The following TRIM33 variants were observed in gnomAD, a reference collection of about 807,000 sequenced individuals.
TRIM33 encodes tripartite motif containing 33.
TRIM33 carries 20 observed loss-of-function variants against 125.4 expected under a neutral mutation model. That is an observed-to-expected ratio of 0.16 (90% CI 0.11 to 0.23). TRIM33 has a LOEUF of 0.23. Among genes scored for constraint, TRIM33 ranks in the 10% least tolerant of loss-of-function variants. The pLI is 1.00. For synonymous variants in TRIM33, 564 were observed against 513.9 expected (o/e 1.10, Z -1.32); for missense variants, 920 against 1,411.4 (o/e 0.65, Z 5.58).
chr1:114,427,717 T>C, intron 7 of TRIM33, 31 bp downstream of exon 7: 1 of 1,597,396 alleles, frequency 6.3e-7, no homozygotes. Context: ...TAAAGTCCAT[T>C]AAAGAAAAAT....
intron 9 of TRIM33, among the ~76,000 whole-genome samples, chr1:114,425,042 T>C (rs984036073): frequency 6.6e-6 from 1 of 152,082 alleles, no homozygotes; most frequent in East Asian, 1.9e-4. Context: ...CCTGGAGTAA[T>C]AGTTTTGATT....
intron 4 of TRIM33, among the ~76,000 whole-genome samples, chr1:114,441,658 T>TAAAACCA (rs1470837576): frequency 6.6e-6 from 1 of 152,260 alleles, no homozygotes; most frequent in Non-Finnish European, 1.5e-5. Context: ...CAATTGGTTT[T>TAAAACCA]ATTCTTTGCA....
intron 5 of TRIM33, among the ~76,000 whole-genome samples, chr1:114,432,652 G>A (rs1648034046): frequency 6.6e-6 from 1 of 152,124 alleles, no homozygotes; most frequent in South Asian, 2.1e-4. Flanking sequence ...CGAGCATGGT[G>A]GTGGGCGCCT....
At chr1:114,494,948 C>T (rs1429787165) in intron 1 of TRIM33, among the ~76,000 whole-genome samples, 1 of 152,140 alleles carries the variant, frequency 6.6e-6, no homozygotes, top group East Asian at 1.9e-4. Flanking sequence ...CAGTCTCACT[C>T]TCTTGCCCAG....
intron 12 of TRIM33, 54 bp downstream of exon 12, chr1:114,410,130 C>A: frequency 6.2e-7 from 1 of 1,601,158 alleles, no homozygotes. Flanking sequence ...AAGACAGATA[C>A]TGACACTGTT....
intron 4 of TRIM33, among the ~76,000 whole-genome samples, chr1:114,444,025 C>T (rs1249140561): frequency 6.6e-6 from 1 of 152,170 alleles, no homozygotes; most frequent in Non-Finnish European, 1.5e-5. Context: ...GAACCACATG[C>T]AGACAAAAAT....
chr1:114,465,577 G>C (rs1025765765), intron 1 of TRIM33, among the ~76,000 whole-genome samples: 3 of 152,126 alleles, frequency 2.0e-5, no homozygotes, highest in Non-Finnish European at 4.4e-5. Context: ...GGAGTGGAAT[G>C]ATCACTTGAG....
chr1:114,436,466 G>T (rs1178778756), intron 4 of TRIM33, among the ~76,000 whole-genome samples: 1 of 150,104 alleles, frequency 6.7e-6, no homozygotes, highest in East Asian at 2.0e-4. Flanking sequence ...TTTTCAGAGA[G>T]TTTTTTTGTT....
intron 11 of TRIM33, among the ~76,000 whole-genome samples, chr1:114,418,935 A>G (rs569809726): frequency 6.6e-6 from 1 of 152,162 alleles, no homozygotes; most frequent in Admixed American, 6.5e-5. Context: ...AAAACCCCTA[A>G]GCTGCCAGGC....
At chr1:114,487,930 A>AAAT (rs1651815709) in intron 1 of TRIM33, among the ~76,000 whole-genome samples, 5 of 148,298 alleles carry the variant, frequency 3.4e-5, no homozygotes, top group Non-Finnish European at 6.0e-5. Flanking sequence ...AAAAAAAAAA[A>AAAT]TGAGAGTAAA....
intron 1 of TRIM33, among the ~76,000 whole-genome samples, chr1:114,469,724 A>G (rs1650522463): frequency 6.6e-6 from 1 of 152,338 alleles, no homozygotes; most frequent in African/African-American, 2.4e-5. Flanking sequence ...GCAGACAGAC[A>G]TTAGCATGAG....
chr1:114,487,551 T>C (rs1301174533), intron 1 of TRIM33, among the ~76,000 whole-genome samples: 12 of 149,330 alleles, frequency 8.0e-5, no homozygotes, highest in Non-Finnish European at 4.4e-5. Flanking sequence ...AAAAAAAAAA[T>C]GTTAACAGAA....
chr1:114,476,659 G>C (rs915938089), intron 1 of TRIM33, among the ~76,000 whole-genome samples: 2 of 151,884 alleles, frequency 1.3e-5, no homozygotes, highest in African/African-American at 4.8e-5. Flanking sequence ...AACAGACAAA[G>C]CAAAACAATT....
chr1:114,459,344 T>C (rs1430169655), intron 4 of TRIM33, among the ~76,000 whole-genome samples: 2 of 152,134 alleles, frequency 1.3e-5, no homozygotes, highest in African/African-American at 4.8e-5. Flanking sequence ...AGAGCAAGGG[T>C]TGGAGAGCTT....
intron 11 of TRIM33, among the ~76,000 whole-genome samples, chr1:114,412,477 A>C (rs1283703607): frequency 6.6e-6 from 1 of 152,206 alleles, no homozygotes; most frequent in Admixed American, 6.5e-5. Flanking sequence ...TAGTGAACAG[A>C]TCATATCTAT....
chr1:114,427,364 T>A (rs1290289779), intron 7 of TRIM33, 70 bp from the exon 8 acceptor site: 9 of 859,818 alleles, frequency 1.0e-5, no homozygotes, highest in Admixed American at 6.9e-5. Flanking sequence ...GATAAAGACA[T>A]TAAGAAAAAA....
rs1653339302 is a variant in TRIM33, at chr1:114,511,081, T to C, written c.-5A>G. The C allele has an allele frequency of 3.2e-6, 4 of 1,256,866 alleles. No individual in the cohort carries two copies. The highest frequency in any genetic ancestry group is 4.0e-6 in the Non-Finnish European group (4 of 999,122). The allele number at this position is 1,256,866 out of a possible 1,614,324, so 77.9% of individuals were successfully genotyped here. ...GCCGCCTTTGTTTTCCGCCATGTTT[T>C]CCTCTTTGAACCCGCCGGACCGCCC... On this transcript the variant is annotated 5_prime_UTR_variant, in exon 1 of 20. Transcript: ENST00000358465.
intron 1 of TRIM33, among the ~76,000 whole-genome samples, chr1:114,489,991 C>T (rs1435000240): frequency 1.4e-5 from 2 of 148,114 alleles, no homozygotes; most frequent in Admixed American, 1.4e-4. Context: ...TGGCTCACAC[C>T]TGTAATCCCA....
At chr1:114,493,999 AT>A (rs1305704998) in intron 1 of TRIM33, among the ~76,000 whole-genome samples, 4 of 151,598 alleles carry the variant, frequency 2.6e-5, no homozygotes, top group Admixed American at 1.3e-4. Flanking sequence ...TCATTTTTCT[AT>A]TTTTAGTAGA....
Sources: allele counts gnomAD v4.1 joint callset (sites outside exome capture counted in the v4.1 genomes callset), GRCh38; gene constraint gnomAD v4.1.1; transcripts MANE v1.5; gene names NCBI Gene and HGNC (gene_info 2026-07-23, HGNC 2026-07-21).